The following CALN1 variants were observed in gnomAD, a reference collection of about 807,000 sequenced individuals.
CALN1 encodes the protein calcium-binding protein 8.
A neutral mutation model predicts 30.6 loss-of-function variants in CALN1; 17 were observed. The observed-to-expected ratio is 0.56, with a 90% CI of 0.38 to 0.83. CALN1 has a LOEUF of 0.83. Among genes scored for constraint, CALN1 ranks in the 40% least tolerant of loss-of-function variants. The pLI, the probability that CALN1 is intolerant of heterozygous loss-of-function variation, is 0.00. For missense variants in CALN1, 291 were observed against 354.9 expected (o/e 0.82, Z 1.45); for synonymous variants, 156 against 131.4 (o/e 1.19, Z -1.28).
intron 4 of CALN1, among the ~76,000 whole-genome samples, chr7:72,069,782 C>A (rs913609434): frequency 3.3e-5 from 5 of 152,164 alleles, no homozygotes; most frequent in African/African-American, 1.2e-4. Context: ...GCCTACCATA[C>A]CCCTACCCAA....
chr7:72,268,881 C>T (rs576336311), intron 3 of CALN1, among the ~76,000 whole-genome samples: 1 of 151,820 alleles, frequency 6.6e-6, no homozygotes, highest in African/African-American at 2.4e-5. Context: ...GCAAGAATAA[C>T]CCTCCCACCA....
chr7:72,216,527 C>T (rs190052140), intron 3 of CALN1, among the ~76,000 whole-genome samples: 7 of 152,090 alleles, frequency 4.6e-5, no homozygotes, highest in Non-Finnish European at 7.3e-5. Context: ...GCATCCCAAG[C>T]GTAAGGTACC....
upstream of CALN1, among the ~76,000 whole-genome samples, chr7:72,413,614 A>G (rs1054215537): frequency 2.0e-5 from 3 of 151,960 alleles, no homozygotes; most frequent in African/African-American, 7.3e-5. Context: ...ATGCACACAT[A>G]CATATATACA....
Position 71,779,721 on chromosome 7 carries a change from C to T in CALN1, c.*8054G>A, listed in dbSNP as rs1404639092. ...AATATGTACATTTTATATAAAGATT[C>T]TTTTTTGACTAGTCTGCTGACTTTC... On this transcript the variant is annotated 3_prime_UTR_variant, in exon 7 of 7. Transcript: ENST00000395275. 6.6e-6 allele frequency: 1 copy of T among 151,998 alleles called. No homozygotes were observed. The highest frequency in any genetic ancestry group is 1.5e-5 in the Non-Finnish European group (1 of 67,994). 9.4% of individuals were successfully genotyped at this position (151,998 alleles called of 1,614,324 possible). A position where few individuals can be genotyped will look rare whatever the true frequency, so the allele number is the denominator to read the frequency against.
At chr7:71,790,367 G>A (rs180856487) in intron 6 of CALN1, among the ~76,000 whole-genome samples, 29 of 98,290 alleles carry the variant, frequency 3.0e-4, no homozygotes, top group African/African-American at 1.1e-3. Context: ...AAGAAAGAAA[G>A]AAAAGAAAGA....
chr7:72,037,430 A>T (rs1391692988), intron 4 of CALN1, among the ~76,000 whole-genome samples: 1 of 152,184 alleles, frequency 6.6e-6, no homozygotes, highest in Admixed American at 6.5e-5. Flanking sequence ...GATTACAGGC[A>T]TGAGCTATTG....
At chr7:72,084,386 AT>A (rs35476098) in intron 4 of CALN1, among the ~76,000 whole-genome samples, 63,757 of 142,542 alleles carry the variant, frequency 0.45, 14,654 homozygotes, top group East Asian at 0.94. Context: ...ATGTAGTAAA[AT>A]TTTTTTTTTT....
chr7:72,158,478 T>C (rs1170585041), intron 3 of CALN1, among the ~76,000 whole-genome samples: 6 of 152,182 alleles, frequency 3.9e-5, no homozygotes, highest in Admixed American at 3.9e-4. Context: ...CAGCAGAACC[T>C]GCTTCCCACA....
intron 3 of CALN1, among the ~76,000 whole-genome samples, chr7:72,138,223 C>T (rs934799356): frequency 1.6e-4 from 25 of 151,828 alleles, no homozygotes; most frequent in African/African-American, 5.8e-4. Context: ...AAATATATGA[C>T]ATGTAAAGAT....
intron 5 of CALN1, among the ~76,000 whole-genome samples, chr7:71,955,574 A>G (rs1029718241): frequency 2.6e-5 from 4 of 152,092 alleles, no homozygotes; most frequent in Admixed American, 2.6e-4. Context: ...GTTGAACCCC[A>G]AAATGAACGC....
chr7:72,447,559 G>A (rs1808566923), upstream of CALN1, among the ~76,000 whole-genome samples: 1 of 152,164 alleles, frequency 6.6e-6, no homozygotes, highest in Non-Finnish European at 1.5e-5. Context: ...GACACTGCCT[G>A]GGGAAAGTGG....
At chr7:72,283,033 T>A (rs1797836793) in intron 2 of CALN1, among the ~76,000 whole-genome samples, 1 of 140,824 alleles carries the variant, frequency 7.1e-6, no homozygotes, top group African/African-American at 2.7e-5. Flanking sequence ...CCAGCCTGGG[T>A]GATCGAGGGA....
At chr7:72,400,605 C>CAA (rs1048978710) in intron 2 of CALN1, among the ~76,000 whole-genome samples, 4 of 152,190 alleles carry the variant, frequency 2.6e-5, no homozygotes, top group African/African-American at 7.2e-5. Context: ...CATCATGGTT[C>CAA]AAGCCTATAA....
the CALN1 span, among the ~76,000 whole-genome samples, chr7:72,469,738 A>T: frequency 6.6e-6 from 1 of 152,160 alleles, no homozygotes; most frequent in Non-Finnish European, 1.5e-5. Context: ...CATTGATAAA[A>T]CTATCTATCC....
At chr7:71,962,900 A>G (rs879437992) in intron 5 of CALN1, among the ~76,000 whole-genome samples, 5 of 152,210 alleles carry the variant, frequency 3.3e-5, no homozygotes, top group Non-Finnish European at 5.9e-5. Context: ...GATCAGCGGG[A>G]TCTCATCAAT....
chr7:71,915,652 T>G (rs1794652162), intron 5 of CALN1, among the ~76,000 whole-genome samples: 1 of 152,056 alleles, frequency 6.6e-6, no homozygotes, highest in Non-Finnish European at 1.5e-5. Flanking sequence ...GAGAATCACT[T>G]GAACAGGGGA....
At chr7:72,311,362 T>G (rs1055981223) in intron 2 of CALN1, among the ~76,000 whole-genome samples, 6 of 152,204 alleles carry the variant, frequency 3.9e-5, no homozygotes, top group Admixed American at 2.0e-4. Flanking sequence ...CAGTCAACAA[T>G]AGGCTATTAG....
intron 6 of CALN1, among the ~76,000 whole-genome samples, chr7:71,805,974 A>G (rs1296543609): frequency 6.6e-6 from 1 of 152,206 alleles, no homozygotes; most frequent in Non-Finnish European, 1.5e-5. Flanking sequence ...TCCTCAGCAA[A>G]CTAACACAGG....
At chr7:72,239,476 T>C (rs148518309) in intron 3 of CALN1, among the ~76,000 whole-genome samples, 2 of 152,330 alleles carry the variant, frequency 1.3e-5, no homozygotes, top group East Asian at 1.9e-4. Context: ...CCTCTTGATG[T>C]GCAGAGATTT....
Sources: gnomAD v4.1 joint callset for allele counts (sites outside exome capture counted in the v4.1 genomes callset) on GRCh38, gnomAD v4.1.1 for gene constraint, MANE v1.5 for transcripts, NCBI Gene and HGNC (gene_info 2026-07-23, HGNC 2026-07-21) for gene names.